Variants in SH3PXD2A observed in about 807,000 individuals in gnomAD.
SH3PXD2A encodes the protein SH3 and PX domain-containing protein 2A.
In SH3PXD2A, 32 loss-of-function variants were observed where a neutral mutation model predicts 115.2. That is an observed-to-expected ratio of 0.28 (90% CI 0.21 to 0.37). The LOEUF is 0.37. Ranked by LOEUF, SH3PXD2A falls within the 10% of genes least tolerant of loss-of-function variation. SH3PXD2A has a pLI of 1.00. For missense variants in SH3PXD2A, 1,328 were observed against 1,498.7 expected, an observed-to-expected ratio of 0.89 and a Z score of 1.88; for synonymous variants, 610 against 629.1, an observed-to-expected ratio of 0.97 and a Z score of 0.45.
chr10:103,761,754 C>T (rs1461399345), intron 3 of SH3PXD2A, among the ~76,000 whole-genome samples: 1 of 152,134 alleles, frequency 6.6e-6, no homozygotes, highest in Non-Finnish European at 1.5e-5. Context: ...AGATCCCTAA[C>T]CTGGGAGGTG....
chr10:103,763,941 C>T (rs965854052), intron 3 of SH3PXD2A, among the ~76,000 whole-genome samples: 3 of 152,270 alleles, frequency 2.0e-5, no homozygotes, highest in Non-Finnish European at 2.9e-5. Flanking sequence ...ACACACATCT[C>T]TGCCTCACTT....
At chr10:103,757,320 G>C (rs1231217573) in intron 3 of SH3PXD2A, among the ~76,000 whole-genome samples, 1 of 152,158 alleles carries the variant, frequency 6.6e-6, no homozygotes, top group Non-Finnish European at 1.5e-5. Flanking sequence ...TTAGCATGGG[G>C]TGCACTAGAA....
intron 2 of SH3PXD2A, among the ~76,000 whole-genome samples, chr10:103,775,832 GAAGT>G (rs2038872398): frequency 6.6e-6 from 1 of 152,208 alleles, no homozygotes; most frequent in Non-Finnish European, 1.5e-5. Flanking sequence ...ACGAGATGGA[GAAGT>G]CATTTTCAGA....
intron 1 of SH3PXD2A, among the ~76,000 whole-genome samples, chr10:103,853,053 C>T (rs958122673): frequency 3.3e-5 from 5 of 152,320 alleles, no homozygotes; most frequent in Non-Finnish European, 5.9e-5. Flanking sequence ...TTTTCCAGAA[C>T]TCTAGTTCAG....
At chr10:103,788,915 G>GACAC (rs899697001) in intron 2 of SH3PXD2A, among the ~76,000 whole-genome samples, 1 of 152,158 alleles carries the variant, frequency 6.6e-6, no homozygotes, top group Non-Finnish European at 1.5e-5. Flanking sequence ...GTGTCCCTGA[G>GACAC]ACACAGGGAT....
Position 103,816,662 on chromosome 10 carries a change from T to C in SH3PXD2A, c.73-15300A>G, listed in dbSNP as rs116711548. Among the ~76,000 whole-genome samples, 1,195 of 152,276 alleles carry C rather than the reference T, an allele frequency of 7.8e-3. 17 individuals are homozygous for C. The highest frequency in any genetic ancestry group is 0.024 in the African/African-American group (1,002 of 41,526). On this transcript the variant is annotated intron_variant, in intron 1 of 14. Transcript: ENST00000369774. Reference sequence around the variant, plus strand: ...GCAATTCTATTCTGAGGCATCTACCTAAGAGAAATGAAAACTTACATCCAC... The same window carrying C: ...GCAATTCTATTCTGAGGCATCTACCCAAGAGAAATGAAAACTTACATCCAC...
chr10:103,606,838 C>T (rs2036317127), intron 13 of SH3PXD2A, among the ~76,000 whole-genome samples: 1 of 152,246 alleles, frequency 6.6e-6, no homozygotes, highest in South Asian at 2.1e-4. Context: ...GTGATCTCGG[C>T]TCCCTACAAC....
intron 5 of SH3PXD2A, among the ~76,000 whole-genome samples, chr10:103,706,188 T>C (rs930956888): frequency 6.6e-6 from 1 of 152,150 alleles, no homozygotes; most frequent in Admixed American, 6.5e-5. Context: ...AGAGATGCAC[T>C]GTGGTTTCCG....
chr10:103,642,062 C>T (rs1273884148), intron 8 of SH3PXD2A, among the ~76,000 whole-genome samples: 1 of 152,092 alleles, frequency 6.6e-6, no homozygotes, highest in South Asian at 2.1e-4. Context: ...TACTTAATAC[C>T]CCCAATGACC....
intron 6 of SH3PXD2A, among the ~76,000 whole-genome samples, chr10:103,681,250 T>G (rs1011280009): frequency 1.3e-5 from 2 of 152,050 alleles, no homozygotes. Flanking sequence ...AGTCCTGTCC[T>G]CCATTCCTGC....
At chr10:103,690,484 C>A (rs2037736955) in intron 6 of SH3PXD2A, among the ~76,000 whole-genome samples, 1 of 152,134 alleles carries the variant, frequency 6.6e-6, no homozygotes, top group South Asian at 2.1e-4. Flanking sequence ...GGAAGAGCTG[C>A]AGCTGAGTCC....
chr10:103,660,960 C>A, intron 8 of SH3PXD2A, 23 bp downstream of exon 8: 2 of 1,612,644 alleles, frequency 1.2e-6, no homozygotes, highest in South Asian at 1.1e-5. Flanking sequence ...CCCCAGTGGA[C>A]GGCCATTGGC....
intron 8 of SH3PXD2A, among the ~76,000 whole-genome samples, chr10:103,658,626 C>T (rs1009191313): frequency 6.6e-6 from 1 of 152,164 alleles, no homozygotes; most frequent in African/African-American, 2.4e-5. Flanking sequence ...TAGCAACAGA[C>T]GGGTTTGAAT....
chr10:103,619,482 G>C (rs1028713165), intron 10 of SH3PXD2A, among the ~76,000 whole-genome samples: 3 of 152,230 alleles, frequency 2.0e-5, no homozygotes, highest in Non-Finnish European at 2.9e-5. Flanking sequence ...GGTTTTCCTA[G>C]GCAAGGTTGC....
At chr10:103,812,357 G>A (rs7092506) in intron 1 of SH3PXD2A, among the ~76,000 whole-genome samples, 225 of 152,298 alleles carry the variant, frequency 1.5e-3, no homozygotes, top group African/African-American at 5.2e-3. Context: ...TGGAAATCAG[G>A]GGGAAAAGCT....
intron 2 of SH3PXD2A, among the ~76,000 whole-genome samples, chr10:103,769,392 A>T (rs1415355843): frequency 6.6e-6 from 1 of 151,412 alleles, no homozygotes; most frequent in African/African-American, 2.4e-5. Flanking sequence ...CTGAATACAG[A>T]TGGATATTTA....
chr10:103,659,892 C>T (rs1025542454), intron 8 of SH3PXD2A, among the ~76,000 whole-genome samples: 3 of 152,160 alleles, frequency 2.0e-5, no homozygotes, highest in African/African-American at 7.2e-5. Context: ...TCCTGGCCAC[C>T]AGGAGGCACA....
chr10:103,765,649 A>G (rs978085381), intron 3 of SH3PXD2A, among the ~76,000 whole-genome samples: 2 of 152,216 alleles, frequency 1.3e-5, no homozygotes, highest in African/African-American at 4.8e-5. Flanking sequence ...GGCGACCTTC[A>G]TGCCCCAAGG....
chr10:103,688,565 T>C (rs959774243), intron 6 of SH3PXD2A, among the ~76,000 whole-genome samples: 1 of 152,194 alleles, frequency 6.6e-6, no homozygotes, highest in South Asian at 2.1e-4. Flanking sequence ...GAGCCAGCCA[T>C]GTGAAAGATC....
Sources: gnomAD v4.1 joint callset for allele counts (sites outside exome capture counted in the v4.1 genomes callset) on GRCh38, gnomAD v4.1.1 for gene constraint, MANE v1.5 for transcripts, NCBI Gene and HGNC (gene_info 2026-07-23, HGNC 2026-07-21) for gene names.